The following TDRD12 variants were observed in gnomAD, a reference collection of about 807,000 sequenced individuals.
The protein encoded by TDRD12 is putative ATP-dependent RNA helicase TDRD12.
TDRD12 carries 158 observed loss-of-function variants against 133.5 expected under a neutral mutation model. That is an observed-to-expected ratio of 1.18 (90% CI 1.04 to 1.35). The LOEUF is 1.35. Ranked by LOEUF, TDRD12 falls within the 40% of genes most tolerant of loss-of-function variation. TDRD12 has a pLI of 0.00. For missense variants in TDRD12, 1,443 were observed against 1,321.3 expected (o/e 1.09, Z -1.43); for synonymous variants, 460 against 477.9 (o/e 0.96, Z 0.49).
rs756055354 is a variant in TDRD12 at position 32,811,250 on chromosome 19, GC to G, written c.2881del (p.Leu961TrpfsTer6). The G allele has an allele frequency of 1.1e-5, 17 of 1,535,956 alleles. No homozygotes were observed. The highest frequency in any genetic ancestry group is 8.7e-7 in the Non-Finnish European group (1 of 1,146,918). On this transcript the variant is annotated frameshift_variant, in exon 24 of 28. Transcript: ENST00000444215. LOFTEE classifies it high-confidence loss of function. ...AGTGAACCAAAAAGAAGACGCCTGG[GC>G]CCTGGATGACATCCTTGTAGAGTTC...
chr19:32,781,431 CT>C (rs1970762302), intron 11 of TDRD12, among the ~76,000 whole-genome samples: 2 of 152,334 alleles, frequency 1.3e-5, no homozygotes, highest in East Asian at 3.9e-4. Context: ...TGAATCTCCT[CT>C]TTTCCAGATC....
chr19:32,769,437 G>A (rs1169421679), intron 8 of TDRD12, among the ~76,000 whole-genome samples: 2 of 152,194 alleles, frequency 1.3e-5, no homozygotes, highest in East Asian at 3.8e-4. Context: ...GTTGCCAGGT[G>A]CTGTGGGTCC....
chr19:32,743,044 T>C (rs1366435529), intron 4 of TDRD12, 144 bp downstream of exon 4: 2 of 1,052,824 alleles, frequency 1.9e-6, no homozygotes, highest in African/African-American at 3.2e-5. Context: ...TCAGTGTTTG[T>C]CTGACCTGGC....
intron 8 of TDRD12, among the ~76,000 whole-genome samples, chr19:32,770,317 T>C (rs948973906): frequency 1.3e-5 from 2 of 152,146 alleles, no homozygotes; most frequent in African/African-American, 4.8e-5. Flanking sequence ...TCTTTTTGTG[T>C]TTTCTATTGA....
chr19:32,732,553 C>T (rs1969091335), intron 2 of TDRD12, among the ~76,000 whole-genome samples: 1 of 152,198 alleles, frequency 6.6e-6, no homozygotes, highest in Admixed American at 6.5e-5. Flanking sequence ...CTTTGGCCAA[C>T]TCAGATGTCT....
intron 13 of TDRD12, 150 bp from the exon 14 acceptor site, chr19:32,794,477 GA>G (rs1226393958): frequency 1.7e-6 from 1 of 595,370 alleles, no homozygotes; most frequent in African/African-American, 1.9e-5. Context: ...TTGGTACTGA[GA>G]AAAGATTTGG....
chr19:32,818,078 G>A lies in TDRD12; in HGVS notation c.3315-11G>A, dbSNP rs758638305. ...ATTATTTGCAAATGAAGTCTGCTCT[G>A]CTTTCTCCAGGCCGAGGGTGACAGG... On this transcript the variant is annotated splice_polypyrimidine_tract_variant and intron_variant, in intron 26 of 27. Transcript: ENST00000444215. 1 of 702,732 alleles carries A rather than the reference G, an allele frequency of 1.4e-6. No individual in the cohort carries two copies. The highest frequency in any genetic ancestry group is 2.6e-6 in the Non-Finnish European group (1 of 384,984). 43.5% of individuals were successfully genotyped at this position (702,732 alleles called of 1,614,324 possible).
At chr19:32,798,325 A>G in exon 16 of TDRD12, 1 of 1,534,928 alleles carries the variant, frequency 6.5e-7, no homozygotes, top group Non-Finnish European at 8.7e-7. Context: ...GATTGTTACG[A>G]CCCCATACAG....
chr19:32,776,093 G>A (rs958966869), intron 10 of TDRD12, among the ~76,000 whole-genome samples: 2 of 152,062 alleles, frequency 1.3e-5, no homozygotes, highest in African/African-American at 4.8e-5. Context: ...GGCGAGTTGG[G>A]GCTTGTGTTG....
chr19:32,725,355 A>G (rs757020949), intron 1 of TDRD12, among the ~76,000 whole-genome samples: 4 of 151,636 alleles, frequency 2.6e-5, no homozygotes, highest in Non-Finnish European at 5.9e-5. Context: ...TAGGTTTTAC[A>G]TTTAAGTCTT....
chr19:32,745,410 A>T (rs1055903445), intron 4 of TDRD12, among the ~76,000 whole-genome samples: 6 of 152,210 alleles, frequency 3.9e-5, no homozygotes, highest in African/African-American at 7.2e-5. Context: ...TAACGTGTGT[A>T]TTACAGTTTT....
In TDRD12 at chr19:32,826,500, A is replaced by C. The variant is rs114645152; in HGVS notation, c.952A>C (p.Arg318=). Residue 318 remains arginine, a synonymous_variant, in exon 9 of 10, where the codon AGG becomes CGG. Coordinates refer to the TDRD12 transcript ENST00000637289. ...TGATCTGGAGCTGCGGGGCAACATA[A>C]GGAAAGATGACTGCCAATGTGTGAT... The C allele has an allele frequency of 1.2e-3, 1,482 of 1,254,042 alleles. 16 individuals carry two copies. The African/African-American group carries it at 0.021, about 18-fold the overall frequency. The allele number at this position is 1,254,042 out of a possible 1,614,324, so 77.7% of individuals were successfully genotyped here. A position where few individuals can be genotyped will look rare whatever the true frequency, so the allele number is the denominator to read the frequency against.
intron 5 of TDRD12, 117 bp from the exon 6 acceptor site, chr19:32,749,667 G>T: frequency 1.4e-6 from 1 of 715,300 alleles, no homozygotes. Flanking sequence ...CCTGCCCGAG[G>T]AAGACATTTG....
At chr19:32,805,181 CAT>C (rs1267952209) in intron 21 of TDRD12, among the ~76,000 whole-genome samples, 17 of 103,260 alleles carry the variant, frequency 1.6e-4, no homozygotes, top group Non-Finnish European at 2.4e-4. Flanking sequence ...ATATATATAA[CAT>C]ATATAATATA....
At chr19:32,736,007 T>C (rs1973531578) in intron 2 of TDRD12, among the ~76,000 whole-genome samples, 1 of 152,082 alleles carries the variant, frequency 6.6e-6, no homozygotes, top group Non-Finnish European at 1.5e-5. Context: ...TTTAAAGGAC[T>C]AAAGCTTTAA....
At chr19:32,722,679 A>ATT (rs34068580) in intron 1 of TDRD12, among the ~76,000 whole-genome samples, 12 of 102,128 alleles carry the variant, frequency 1.2e-4, no homozygotes, top group Non-Finnish European at 1.8e-4. Flanking sequence ...TTTAAAAAAA[A>ATT]TTTTTTTTTT....
chr19:32,735,498 G>A lies in TDRD12; in HGVS notation c.184-3358G>A, dbSNP rs111840755. Among the ~76,000 whole-genome samples, 1,233 of 152,296 alleles carry A rather than the reference G, an allele frequency of 8.1e-3. 16 individuals are homozygous for A. The highest frequency in any genetic ancestry group is 0.028 in the African/African-American group (1,169 of 41,564). On this transcript the variant is annotated intron_variant, in intron 2 of 27. Coordinates refer to ENST00000444215, the Ensembl canonical transcript of TDRD12. ...TGGTTCATGAGGTTTAAGAAAAGAG[G>A]CCATCTCCACAACATAAAGTGCAAG...
At chr19:32,769,344 A>G (rs1373644211) in intron 8 of TDRD12, among the ~76,000 whole-genome samples, 5 of 152,082 alleles carry the variant, frequency 3.3e-5, no homozygotes, top group African/African-American at 1.2e-4. Flanking sequence ...GTTCCACTAC[A>G]TATTATTTTG....
At chr19:32,740,400 A>T (rs867516471) in intron 3 of TDRD12, among the ~76,000 whole-genome samples, 17 of 61,812 alleles carry the variant, frequency 2.8e-4, no homozygotes, top group African/African-American at 4.6e-4. Flanking sequence ...TCTCCTGGGT[A>T]CTCTCTGCAT....
Sources: allele counts gnomAD v4.1 joint callset (sites outside exome capture counted in the v4.1 genomes callset), GRCh38; gene constraint gnomAD v4.1.1; transcripts MANE v1.5; gene names NCBI Gene and HGNC (gene_info 2026-07-23, HGNC 2026-07-21).